MIB1: variants seen among roughly 807,000 people sequenced by gnomAD.
The protein encoded by MIB1 is MIB E3 ubiquitin protein ligase 1.
MIB1 carries 278 observed loss-of-function variants against 124.5 expected under a neutral mutation model. The observed-to-expected ratio is 2.23, with a 90% CI of 2.02 to 2.47. MIB1 has a LOEUF of 2.47. Among genes scored for constraint, MIB1 ranks in the 30% most tolerant of loss-of-function variants. The pLI is 0.00. For synonymous variants in MIB1, 446 were observed against 429.4 expected, an observed-to-expected ratio of 1.04 and a Z score of -0.48; for missense variants, 957 against 1,254.4, an observed-to-expected ratio of 0.76 and a Z score of 3.58.
chr18:21,863,795 G>A (rs984805452), intron 20 of MIB1, among the ~76,000 whole-genome samples: 3 of 152,100 alleles, frequency 2.0e-5, no homozygotes, highest in Non-Finnish European at 2.9e-5. Context: ...CACGAGGTCA[G>A]AAGATCAAGA....
intron 1 of MIB1, among the ~76,000 whole-genome samples, chr18:21,747,283 T>C (rs1171494458): frequency 1.3e-5 from 2 of 152,228 alleles, no homozygotes; most frequent in African/African-American, 4.8e-5. Context: ...GATTGCAGCT[T>C]GGTTGAGCTG....
chr18:21,811,610 G>A (rs2041774132), intron 10 of MIB1, among the ~76,000 whole-genome samples: 1 of 152,116 alleles, frequency 6.6e-6, no homozygotes, highest in Admixed American at 6.6e-5. Flanking sequence ...GTTACAAAAA[G>A]ACAAATACTG....
chr18:21,825,718 G>T (rs1172821195), intron 12 of MIB1: 1 of 532,144 alleles, frequency 1.9e-6, no homozygotes, highest in Admixed American at 2.0e-5. Context: ...GCTACAGCTG[G>T]TTGAAGGGGA....
intron 17 of MIB1, 63 bp from the exon 18 acceptor site, chr18:21,853,077 C>G (rs1157310743): frequency 9.3e-7 from 1 of 1,077,502 alleles, no homozygotes; most frequent in Admixed American, 1.8e-5. Context: ...TATAATTGAA[C>G]TTGTTAAGAG....
rs573729317 is a variant in MIB1 at position 21,836,305 on chromosome 18, G to A, written c.1830-2060G>A. Among the ~76,000 whole-genome samples the A allele has an allele frequency of 1.1e-4, 15 of 142,588 alleles. 1 individual carries two copies. The South Asian group carries it at 2.4e-3, about 23-fold the overall frequency. The allele number at this position is 142,588 out of a possible 152,430, so 93.5% of individuals were successfully genotyped here. A position where few individuals can be genotyped will look rare whatever the true frequency, so the allele number is the denominator to read the frequency against. ...TTTTTTTTTTTTGAGATGGAGTCTC[G>A]CTCAGTCGCCTGGGCTGGAGTGCAG... On this transcript the variant is annotated intron_variant, in intron 12 of 20. Coordinates refer to ENST00000261537, the MANE Select transcript of MIB1 (RefSeq NM_020774.4).
chr18:21,806,714 C>T (rs767813903), intron 10 of MIB1, among the ~76,000 whole-genome samples: 10 of 151,546 alleles, frequency 6.6e-5, no homozygotes, highest in Admixed American at 5.3e-4. Context: ...AGCTCTGCCT[C>T]CCGGGTTCAC....
At chr18:21,721,443 A>C (rs1171498976) in intron 1 of MIB1, among the ~76,000 whole-genome samples, 1 of 151,984 alleles carries the variant, frequency 6.6e-6, no homozygotes, top group Non-Finnish European at 1.5e-5. Context: ...AGCCTCCCAA[A>C]GTTTTGGGAT....
intron 1 of MIB1, among the ~76,000 whole-genome samples, chr18:21,725,401 A>G (rs183642966): frequency 2.0e-4 from 30 of 152,270 alleles, no homozygotes; most frequent in African/African-American, 6.7e-4. Flanking sequence ...TTGAAGGCTT[A>G]GTGGTTAAGG....
At chr18:21,864,157 C>G (rs767152127) in intron 20 of MIB1, among the ~76,000 whole-genome samples, 2 of 152,114 alleles carry the variant, frequency 1.3e-5, no homozygotes, top group African/African-American at 2.4e-5. Flanking sequence ...TGCCTCCTGC[C>G]TCTATCACAG....
chr18:21,712,457 A>T (rs2040670008), intron 1 of MIB1, among the ~76,000 whole-genome samples: 1 of 152,178 alleles, frequency 6.6e-6, no homozygotes, highest in South Asian at 2.1e-4. Flanking sequence ...TCCTTAGCAG[A>T]CTGGAGCTAG....
rs1163248564 is a variant in MIB1, at chr18:21,724,725, AAAATATATATATATATATATATATATAT to A, written n.167+19604_167+19631del. On this transcript the variant is annotated intron_variant and non_coding_transcript_variant, in intron 1 of 20. Coordinates refer to the MIB1 transcript ENST00000578646. ...GTCTCCCCCATCCAAAAAAAAAAAA[AAAATATATATATATATATATATATATAT>A]ATATATATATATATATATATTAGTC... Among the ~76,000 whole-genome samples the A allele has an allele frequency of 8.8e-3, 375 of 42,842 alleles. 23 individuals carry two copies. Among genetic ancestry groups the A allele is most frequent in the Middle Eastern group, 0.08 (7 of 88 alleles). 28.1% of individuals were successfully genotyped at this position (42,842 alleles called of 152,430 possible).
intron 1 of MIB1, among the ~76,000 whole-genome samples, chr18:21,748,505 C>T (rs541619700): frequency 4.2e-4 from 64 of 151,380 alleles, no homozygotes; most frequent in Middle Eastern, 6.8e-3. Context: ...TCTTGGCTCA[C>T]TGCAACCTCT....
chr18:21,786,615 A>G (rs773518974), intron 6 of MIB1, among the ~76,000 whole-genome samples: 7 of 152,022 alleles, frequency 4.6e-5, no homozygotes, highest in Non-Finnish European at 8.8e-5. Flanking sequence ...TATATCTTGT[A>G]GGCCTTCTCC....
intron 20 of MIB1, among the ~76,000 whole-genome samples, chr18:21,859,913 G>GA (rs1347677474): frequency 3.6e-5 from 5 of 137,610 alleles, no homozygotes; most frequent in Non-Finnish European, 6.2e-5. Context: ...AAAAAAAAAG[G>GA]AAAAATGTGT....
intron 1 of MIB1, among the ~76,000 whole-genome samples, chr18:21,757,451 CAAAA>C (rs1202189616): frequency 9.8e-4 from 13 of 13,280 alleles, no homozygotes; most frequent in Admixed American, 1.5e-3. Flanking sequence ...GACTCTGTCT[CAAAA>C]AAAAAAAAAA....
In MIB1 at chr18:21,741,640, G is replaced by A. The variant is rs1199988233; in HGVS notation, c.57G>A (p.Val19=). The part of the protein sequence containing the change: ...VMVEGVGARV[V]RGPDWKWGKQ... ...TGGAAGGGGTTGGCGCTCGGGTAGT[G>A]CGCGGCCCGGACTGGAAGTGGGGGA... Residue 19 remains valine (V), a synonymous_variant, in exon 1 of 21, where the codon GTG becomes GTA. Coordinates refer to ENST00000261537, the MANE Select transcript of MIB1 (RefSeq NM_020774.4). The surrounding 1 kb of genome is among the most constrained non-coding windows in gnomAD (Gnocchi z 5.4). The A allele has an allele frequency of 1.2e-6, 2 of 1,609,660 alleles. No individual in the cohort carries two copies. The highest frequency in any genetic ancestry group is 1.7e-6 in the Non-Finnish European group (2 of 1,178,718).
intron 6 of MIB1, among the ~76,000 whole-genome samples, chr18:21,780,995 A>G (rs1232852786): frequency 1.3e-5 from 2 of 152,214 alleles, no homozygotes; most frequent in African/African-American, 2.4e-5. Context: ...AGTCCCACCA[A>G]CAGTCTACAG....
At chr18:21,815,217 A>G (rs1271156821) in intron 10 of MIB1, among the ~76,000 whole-genome samples, 1 of 151,502 alleles carries the variant, frequency 6.6e-6, no homozygotes, top group Non-Finnish European at 1.5e-5. Flanking sequence ...TGCCCCGGTC[A>G]GAGTGCAGTG....
At position 21,773,717 on chromosome 18, in the gene MIB1, T is replaced by G; in HGVS notation, c.625T>G (p.Phe209Val). ...TGCTAAGAACCTTTACAGAGTTGGC[T>G]TTGAGGGCATGGTAAGTAGTGAAGA... ...NGAKNLYRVG[F>V]EGMSDLKCVQ... The change falls in exon 4 of 21, where the codon TTT (phenylalanine) becomes GTT (valine). Residue 209 changes from phenylalanine to valine, a missense_variant. Physicochemically the swap from Phe to Val is conservative, Grantham distance 50. Transcript: ENST00000261537. 6.3e-7 allele frequency: 1 copy of G among 1,597,534 alleles called. No individual in the cohort carries two copies. The highest frequency in any genetic ancestry group is 1.1e-5 in the South Asian group (1 of 87,674).
Sources: gnomAD v4.1 joint callset for allele counts (sites outside exome capture counted in the v4.1 genomes callset) on GRCh38, gnomAD v4.1.1 for gene constraint, Gnocchi (gnomAD v3.1) non-coding constraint, MANE v1.5 for transcripts, NCBI Gene and HGNC (gene_info 2026-07-23, HGNC 2026-07-21) for gene names.